ITGA2: variants seen among roughly 807,000 people sequenced by gnomAD.
The protein encoded by ITGA2 is integrin subunit alpha 2.
Under a neutral mutation model 146.3 loss-of-function variants are expected in ITGA2, and 101 were observed. The ratio of observed to expected loss-of-function variants is 0.69; its 90% CI spans 0.59 to 0.81. The LOEUF is 0.81. Ranked by LOEUF, ITGA2 falls within the 40% of genes least tolerant of loss-of-function variation. ITGA2 has a pLI of 0.00. For synonymous variants in ITGA2, 477 were observed against 487.1 expected, an observed-to-expected ratio of 0.98 and a Z score of 0.27; for missense variants, 1,281 against 1,402.7, an observed-to-expected ratio of 0.91 and a Z score of 1.39.
chr5:53,015,163 T>C (rs764518851), intron 1 of ITGA2, among the ~76,000 whole-genome samples: 2 of 152,164 alleles, frequency 1.3e-5, no homozygotes, highest in Non-Finnish European at 2.9e-5. Context: ...GTTCTTGTTG[T>C]TCTAGCTCCC....
chr5:53,086,869 T>C, intron 27 of ITGA2, 83 bp from the exon 28 acceptor site: 1 of 1,104,860 alleles, frequency 9.1e-7, no homozygotes, highest in Non-Finnish European at 1.4e-6. Flanking sequence ...CACCAGGAAA[T>C]AAATACATAA....
intron 2 of ITGA2, among the ~76,000 whole-genome samples, chr5:53,029,913 G>T (rs998480076): frequency 3.9e-5 from 6 of 152,238 alleles, no homozygotes; most frequent in Non-Finnish European, 7.3e-5. Flanking sequence ...GAACTCCACT[G>T]TTCTAGTTCA....
intron 24 of ITGA2, 133 bp downstream of exon 24, chr5:53,079,007 A>G: frequency 1.5e-6 from 1 of 684,472 alleles, no homozygotes; most frequent in Non-Finnish European, 2.7e-6. Context: ...TGTGCATTAC[A>G]ATCACCTGGA....
chr5:53,040,859 T>A (rs2111879842), intron 2 of ITGA2, among the ~76,000 whole-genome samples: 1 of 152,282 alleles, frequency 6.6e-6, no homozygotes, highest in Non-Finnish European at 1.5e-5. Context: ...TGGTGTCCAT[T>A]TTTGTAACCT....
Position 53,060,999 on chromosome 5 carries a change from A to G in ITGA2, c.1411A>G (p.Asn471Asp), listed in dbSNP as rs775828798. The change falls in exon 12 of 30, where the codon AAT becomes GAT. Residue 471 changes from asparagine to aspartate, a missense_variant. By Grantham distance (23) the Asn-to-Asp change is conservative. Around this residue, in one of 3 missense-constraint regions of ITGA2, gnomAD observed 795 missense variants for 841.7 expected, o/e 0.94. Transcript: ENST00000296585. ...CGGCCAGATAGTGCTATATAGTGTGAATGAGAATGGCAATATCACGGTTAT... is the reference window on the plus strand; with the variant it reads ...CGGCCAGATAGTGCTATATAGTGTGGATGAGAATGGCAATATCACGGTTAT... Reference protein sequence around the residue: ...YTGQIVLYSVNENGNITVIQA... With the variant: ...YTGQIVLYSVDENGNITVIQA... 3 of 1,612,316 alleles carry G rather than the reference A, an allele frequency of 1.9e-6. No individual in the cohort carries two copies. Among genetic ancestry groups the G allele is most frequent in the African/African-American group, 1.3e-5 (1 of 74,778 alleles).
At chr5:53,055,136 G>A (rs988879551) in intron 7 of ITGA2, among the ~76,000 whole-genome samples, 5 of 151,708 alleles carry the variant, frequency 3.3e-5, no homozygotes, top group Non-Finnish European at 7.4e-5. Flanking sequence ...TTTAACTGTG[G>A]ATATCTATTA....
At chr5:52,999,964 A>G (rs1427256819) in intron 1 of ITGA2, among the ~76,000 whole-genome samples, 4 of 152,140 alleles carry the variant, frequency 2.6e-5, no homozygotes, top group Non-Finnish European at 4.4e-5. Flanking sequence ...TCACAAATCC[A>G]TTTCTCTAGT....
At chr5:53,078,703 A>G in intron 23 of ITGA2, 69 bp from the exon 24 acceptor site, 1 of 883,388 alleles carries the variant, frequency 1.1e-6, no homozygotes. Context: ...ATACTTAAAT[A>G]AAAGAAATAT....
At chr5:53,084,291 G>T (rs1204132890) in intron 27 of ITGA2, among the ~76,000 whole-genome samples, 1 of 128,184 alleles carries the variant, frequency 7.8e-6, no homozygotes, top group Non-Finnish European at 1.9e-5. Context: ...GCTCTTACTA[G>T]ATTTTTTTTT....
At chr5:53,080,353 C>G (rs1054884146) in intron 24 of ITGA2, among the ~76,000 whole-genome samples, 158 bp from the exon 25 acceptor site, 46 of 152,136 alleles carry the variant, frequency 3.0e-4, no homozygotes, top group African/African-American at 1.1e-3. Flanking sequence ...AGGTGAGACA[C>G]AGAGACCTGA....
rs1224708204 is a variant in ITGA2 at position 53,093,849 on chromosome 5, A to G, written c.*3250A>G. 6.6e-6 allele frequency: 1 copy of G among 152,654 alleles called. No individual in the cohort carries two copies. Among genetic ancestry groups the G allele is most frequent in the Non-Finnish European group, 1.5e-5 (1 of 68,040 alleles). The allele number at this position is 152,654 out of a possible 1,614,324, so 9.5% of individuals were successfully genotyped here. On this transcript the variant is annotated 3_prime_UTR_variant, in exon 30 of 30. Coordinates refer to ENST00000296585, the MANE Select transcript of ITGA2 (RefSeq NM_002203.4). ...TAGTAAGATAGTAAAATAGCTTATG[A>G]AGAAACTACAGAGATTTAAAATTGT...
In ITGA2 at chr5:53,092,011, T is replaced by C. The variant is rs1367506843; in HGVS notation, c.*1412T>C. ...TTCAAAAGGTAGATCCTGAGATGAT[T>C]TGGTCAGATTGGGATAAGGCCCAGC... On this transcript the variant is annotated 3_prime_UTR_variant, in exon 30 of 30. Transcript: ENST00000296585. 1.3e-5 allele frequency: 2 copies of C among 152,184 alleles called. No individual in the cohort carries two copies. Among genetic ancestry groups the C allele is most frequent in the Non-Finnish European group, 2.9e-5 (2 of 68,036 alleles). 9.4% of individuals were successfully genotyped at this position (152,184 alleles called of 1,614,324 possible). A position where few individuals can be genotyped will look rare whatever the true frequency, so the allele number is the denominator to read the frequency against.
chr5:53,078,834 G>A lies in ITGA2; in HGVS notation c.2888G>A (p.Ser963Asn). 1.2e-6 allele frequency: 2 copies of A among 1,611,900 alleles called. No individual in the cohort carries two copies. The highest frequency in any genetic ancestry group is 1.7e-6 in the Non-Finnish European group (2 of 1,178,518). Residue 963 changes from serine to asparagine, a missense_variant, in exon 24 of 30, where the codon AGT becomes AAT. Ser to Asn is a conservative substitution (Grantham distance 46). This residue lies in a region of ITGA2 where 475 missense variants were observed against 530.5 expected (regional missense o/e 0.90). Transcript: ENST00000296585. ...GGGAATGTTCCTTCAATCGTGCACAGTTTTGAAGATGTTGGTCCAAAATTC... is the reference window on the plus strand; with the variant it reads ...GGGAATGTTCCTTCAATCGTGCACAATTTTGAAGATGTTGGTCCAAAATTC... ...SDGNVPSIVH[S>N]FEDVGPKFIF...
At position 53,094,505 on chromosome 5, in the gene ITGA2, A is replaced by G. The variant is rs1220008881; in HGVS notation, c.*3906A>G. ...TACATAATAGATAAGTCTTTTTTCA[A>G]ATGTGGTGTTTGATGTTTTTGATTA... On this transcript the variant is annotated 3_prime_UTR_variant, in exon 30 of 30. Coordinates refer to ENST00000296585, the MANE Select transcript of ITGA2 (RefSeq NM_002203.4). 1 of 152,132 alleles carries G rather than the reference A, an allele frequency of 6.6e-6. No individual in the cohort carries two copies. Among genetic ancestry groups the G allele is most frequent in the Non-Finnish European group, 1.5e-5 (1 of 67,998 alleles). 9.4% of individuals were successfully genotyped at this position (152,132 alleles called of 1,614,324 possible).
intron 2 of ITGA2, among the ~76,000 whole-genome samples, chr5:53,028,603 A>G (rs1743066160): frequency 1.3e-5 from 2 of 152,168 alleles, no homozygotes; most frequent in Non-Finnish European, 2.9e-5. Context: ...TTAAATATTC[A>G]GCCCTAATTT....
chr5:53,012,707 C>T (rs571767858), intron 1 of ITGA2, among the ~76,000 whole-genome samples: 2 of 152,184 alleles, frequency 1.3e-5, no homozygotes, highest in African/African-American at 4.8e-5. Context: ...AACTAATTTA[C>T]GTTCCCACCA....
At chr5:53,012,142 A>G (rs1742165511) in intron 1 of ITGA2, among the ~76,000 whole-genome samples, 1 of 152,154 alleles carries the variant, frequency 6.6e-6, no homozygotes. Flanking sequence ...CAGGATGAGG[A>G]CTGTATTTTA....
chr5:53,088,763 T>A (rs1201844547), intron 28 of ITGA2, among the ~76,000 whole-genome samples: 3 of 152,034 alleles, frequency 2.0e-5, no homozygotes, highest in African/African-American at 7.2e-5. Flanking sequence ...CAGCTTAATA[T>A]TACTCAGTTG....
At chr5:53,006,224 A>G (rs535721739) in intron 1 of ITGA2, among the ~76,000 whole-genome samples, 1 of 152,324 alleles carries the variant, frequency 6.6e-6, no homozygotes, top group South Asian at 2.1e-4. Context: ...CTTAAAATAA[A>G]AAGTTACAGT....
Sources: gnomAD v4.1 joint callset for allele counts (sites outside exome capture counted in the v4.1 genomes callset) on GRCh38, gnomAD v4.1.1 for gene constraint, gnomAD v4.1.1 regional missense constraint, MANE v1.5 for transcripts, NCBI Gene and HGNC (gene_info 2026-07-23, HGNC 2026-07-21) for gene names.